The following CDH10 variants were observed in gnomAD, a reference collection of about 807,000 sequenced individuals.
CDH10 encodes cadherin 10, also known as cadherin-10.
Under a neutral mutation model 73.1 loss-of-function variants are expected in CDH10, and 30 were observed. That is an observed-to-expected ratio of 0.41 (90% confidence interval 0.31 to 0.56). The LOEUF (loss-of-function observed/expected upper bound fraction) is 0.56, where lower values mean the gene tolerates loss of function less well. CDH10 is among the 20% of genes least tolerant of loss of function. CDH10 has a pLI of 0.27. For missense variants in CDH10, 815 were observed against 973.7 expected, an observed-to-expected ratio of 0.84 and a Z score of 2.17; for synonymous variants, 345 against 348.2, an observed-to-expected ratio of 0.99 and a Z score of 0.10.
intron 2 of CDH10, among the ~76,000 whole-genome samples, chr5:24,592,892 T>C (rs1365536321): frequency 7.1e-6 from 1 of 141,842 alleles, no homozygotes; most frequent in Non-Finnish European, 1.5e-5. Context: ...CTGAACTCAA[T>C]AGCAATGTGA....
intron 1 of CDH10, among the ~76,000 whole-genome samples, chr5:24,602,697 C>A (rs1579461448): frequency 1.3e-5 from 2 of 152,178 alleles, no homozygotes; most frequent in East Asian, 1.9e-4. Context: ...GAAAAAATTT[C>A]TTTTTGAGTT....
intron 8 of CDH10, among the ~76,000 whole-genome samples, chr5:24,498,998 G>A (rs1399668682): frequency 2.0e-5 from 3 of 152,028 alleles, no homozygotes; most frequent in African/African-American, 7.2e-5. Flanking sequence ...AGCGTGGAAG[G>A]GGACCTGAGC....
chr5:24,586,863 G>C (rs916154680), intron 2 of CDH10, among the ~76,000 whole-genome samples: 1 of 21,116 alleles, frequency 4.7e-5, no homozygotes, highest in Non-Finnish European at 8.4e-5. Flanking sequence ...TTTTTTTTTT[G>C]AGCCGGAGTC....
intron 6 of CDH10, 131 bp downstream of exon 6, chr5:24,511,196 T>C (rs1430488945): frequency 6.1e-6 from 4 of 652,558 alleles, no homozygotes; most frequent in Non-Finnish European, 7.9e-6. Context: ...TTCTTATGTA[T>C]GCACAGTATA....
At chr5:24,624,912 A>C (rs934339231) in intron 1 of CDH10, among the ~76,000 whole-genome samples, 10 of 152,166 alleles carry the variant, frequency 6.6e-5, no homozygotes, top group African/African-American at 1.2e-4. Flanking sequence ...TAAAGAAAAG[A>C]AGCAGCTTTG....
At chr5:24,515,826 T>A (rs1017041481) in intron 5 of CDH10, among the ~76,000 whole-genome samples, 4 of 152,138 alleles carry the variant, frequency 2.6e-5, no homozygotes, top group Non-Finnish European at 5.9e-5. Context: ...AATTGGATCA[T>A]GGGAGCGGGT....
chr5:24,518,037 G>C (rs939497040), intron 5 of CDH10, among the ~76,000 whole-genome samples: 1 of 152,132 alleles, frequency 6.6e-6, no homozygotes, highest in Non-Finnish European at 1.5e-5. Flanking sequence ...CTAGGGGAGA[G>C]GGTGACACTG....
At chr5:24,597,363 C>T (rs180948178) in intron 1 of CDH10, among the ~76,000 whole-genome samples, 56 of 152,204 alleles carry the variant, frequency 3.7e-4, no homozygotes, top group African/African-American at 1.2e-3. Flanking sequence ...CTGTAGACCT[C>T]CCTCAGACCT....
At chr5:24,507,384 A>C (rs1241815716) in intron 7 of CDH10, among the ~76,000 whole-genome samples, 1 of 136,846 alleles carries the variant, frequency 7.3e-6, no homozygotes, top group Non-Finnish European at 1.5e-5. Flanking sequence ...TATAATATAC[A>C]TATACATAAT....
At chr5:24,517,429 G>C (rs1238831128) in intron 5 of CDH10, among the ~76,000 whole-genome samples, 2 of 152,054 alleles carry the variant, frequency 1.3e-5, no homozygotes, top group African/African-American at 4.8e-5. Flanking sequence ...ATTTCTTCTT[G>C]AGAACAAAAT....
At chr5:24,546,115 A>T (rs1460237537) in intron 2 of CDH10, among the ~76,000 whole-genome samples, 1 of 152,056 alleles carries the variant, frequency 6.6e-6, no homozygotes, top group African/African-American at 2.4e-5. Context: ...CATTTATTTG[A>T]TTTTTGAGAC....
chr5:24,619,746 A>C (rs1747248073), intron 1 of CDH10, among the ~76,000 whole-genome samples: 1 of 152,052 alleles, frequency 6.6e-6, no homozygotes, highest in Non-Finnish European at 1.5e-5. Context: ...AGTCTAGGAG[A>C]TGATTGGGTC....
At chr5:24,643,000 G>A (rs1308690308) in intron 1 of CDH10, among the ~76,000 whole-genome samples, 3 of 149,308 alleles carry the variant, frequency 2.0e-5, no homozygotes, top group Non-Finnish European at 3.0e-5. Flanking sequence ...AGTGAAAGAA[G>A]TATTTCTTTA....
intron 2 of CDH10, among the ~76,000 whole-genome samples, chr5:24,553,786 C>A (rs1321052541): frequency 1.3e-5 from 2 of 151,982 alleles, no homozygotes; most frequent in Non-Finnish European, 2.9e-5. Flanking sequence ...TTCCTCTTCC[C>A]TTGAATATTT....
intron 5 of CDH10, among the ~76,000 whole-genome samples, chr5:24,529,193 T>C (rs1358950077): frequency 6.6e-6 from 1 of 152,014 alleles, no homozygotes; most frequent in African/African-American, 2.4e-5. Context: ...TTTAATAAGA[T>C]AAAGTCAGTA....
At chr5:24,640,969 A>G (rs560963325) in intron 1 of CDH10, among the ~76,000 whole-genome samples, 1 of 152,120 alleles carries the variant, frequency 6.6e-6, no homozygotes, top group Admixed American at 6.6e-5. Context: ...AATAATTTTT[A>G]AACAGGTCAG....
chr5:24,568,025 C>T (rs1326347929), intron 2 of CDH10, among the ~76,000 whole-genome samples: 1 of 151,898 alleles, frequency 6.6e-6, no homozygotes, highest in Non-Finnish European at 1.5e-5. Flanking sequence ...AATGATTTTC[C>T]CATAATTTTA....
chr5:24,613,522 GA>G (rs34515702), intron 1 of CDH10, among the ~76,000 whole-genome samples: 134 of 122,826 alleles, frequency 1.1e-3, no homozygotes, highest in African/African-American at 2.9e-3. Flanking sequence ...TCTTTGCTGG[GA>G]AAAAAAAAAA....
intron 1 of CDH10, among the ~76,000 whole-genome samples, chr5:24,602,350 C>T (rs1391491890): frequency 6.6e-6 from 1 of 152,144 alleles, no homozygotes; most frequent in African/African-American, 2.4e-5. Flanking sequence ...CAAAGCAGTA[C>T]ATCTAAATTC....
Sources: allele counts gnomAD v4.1 joint callset (sites outside exome capture counted in the v4.1 genomes callset), GRCh38; gene constraint gnomAD v4.1.1; transcripts MANE v1.5; gene names NCBI Gene and HGNC (gene_info 2026-07-23, HGNC 2026-07-21).